ZNF729: variants seen among roughly 807,000 people sequenced by gnomAD.
The protein encoded by ZNF729 is zinc finger protein 729.
ZNF729 carries 15 observed loss-of-function variants against 12.2 expected under a neutral mutation model. That is an observed-to-expected ratio of 1.23 (90% CI 0.82 to 1.89). The LOEUF is 1.89. Ranked by LOEUF, ZNF729 falls within the 40% of genes most tolerant of loss-of-function variation. The pLI is 0.00. For synonymous variants in ZNF729, 492 were observed against 476.3 expected (o/e 1.03, Z -0.43); for missense variants, 1,540 against 1,456.7 (o/e 1.06, Z -0.93).
chr19:22,311,506 G>T (rs978230032), intron 3 of ZNF729, among the ~76,000 whole-genome samples: 9 of 152,078 alleles, frequency 5.9e-5, no homozygotes, highest in Admixed American at 3.3e-4. Context: ...GGTTTTGAAG[G>T]TTCCTTTTGG....
At chr19:22,294,152 G>A (rs1255743483) in intron 1 of ZNF729, among the ~76,000 whole-genome samples, 1 of 152,172 alleles carries the variant, frequency 6.6e-6, no homozygotes, top group Non-Finnish European at 1.5e-5. Flanking sequence ...TGTATATGAT[G>A]TAAGGAAGGG....
chr19:22,313,783 A>G lies in ZNF729; in HGVS notation c.366A>G (p.Leu122=), dbSNP rs1168035416. The change falls in exon 4 of 4, where the codon TTA becomes TTG. Residue 122 remains leucine, a synonymous_variant. Coordinates refer to ENST00000601693, the MANE Select transcript of ZNF729 (RefSeq NM_001242680.2). ...GATGTGGACATAAGAATTTACGATT[A>G]AGAAAAGATTGTAAAAGTGCCAATG... ...YARCGHKNLR[L]RKDCKSANEG... is the part of the protein sequence containing the mutation. 3 of 1,597,982 alleles carry G rather than the reference A, an allele frequency of 1.9e-6. No individual in the cohort carries two copies. Among genetic ancestry groups the G allele is most frequent in the Non-Finnish European group, 2.6e-6 (3 of 1,173,316 alleles).
rs769517577 is a variant in ZNF729 at position 22,315,115 on chromosome 19, T to C, written c.1698T>C (p.His566=). The part of the protein sequence containing the change: ...SSKLTVHKVI[H]TGEKPCKCEE... ...AACTTACTGTACATAAGGTAATTCA[T>C]ACTGGAGAGAAACCCTGCAAATGTG... The change falls in exon 4 of 4, where the codon CAT becomes CAC. Residue 566 remains histidine (H), a synonymous_variant. Coordinates refer to ENST00000601693, the MANE Select transcript of ZNF729 (RefSeq NM_001242680.2). The C allele has an allele frequency of 6.2e-7, 1 of 1,611,030 alleles. No homozygotes were observed. Among genetic ancestry groups the C allele is most frequent in the South Asian group, 1.1e-5 (1 of 91,046 alleles).
chr19:22,286,799 C>A lies in ZNF729; in HGVS notation c.30+244C>A, dbSNP rs565422156. On this transcript the variant is annotated intron_variant, in intron 1 of 3. Transcript: ENST00000601693. ...CCCTGGCCTGGAGCCCTCTCTGGGC[C>A]GCTCTGCACCCGCATGGCCGCGTCT... 2.9e-3 allele frequency among the ~76,000 whole-genome samples: 448 copies of A among 152,286 alleles called. 1 individual carries two copies. Among genetic ancestry groups the A allele is most frequent in the Non-Finnish European group, 5.6e-3 (378 of 68,030 alleles).
At chr19:22,310,347 T>C (rs1381739863) in intron 3 of ZNF729, among the ~76,000 whole-genome samples, 1 of 152,144 alleles carries the variant, frequency 6.6e-6, no homozygotes, top group Non-Finnish European at 1.5e-5. Flanking sequence ...TTGTCATAGA[T>C]GGCTTTTATT....
At position 22,316,110 on chromosome 19, in the gene ZNF729, A is replaced by C. The variant is rs547662772; in HGVS notation, c.2693A>C (p.His898Pro). ...AAGTGGTTGTCAAAACTTACTGTAC[A>C]TAAGGTAATTCATACTGCAGAGAAA... ...AFKWLSKLTVHKVIHTAEKPC... is the reference protein window; with the variant it reads ...AFKWLSKLTVPKVIHTAEKPC... Residue 898 changes from histidine to proline, a missense_variant, in exon 4 of 4, where the codon CAT (histidine) becomes CCT (proline). Transcript: ENST00000601693. The C allele has an allele frequency of 1.9e-6, 3 of 1,609,506 alleles. No individual in the cohort carries two copies. The East Asian group carries it at 6.7e-5, about 36-fold the overall frequency.
Position 22,315,152 on chromosome 19 carries a change from A to G in ZNF729, c.1735A>G (p.Lys579Glu). Residue 579 changes from lysine to glutamate, a missense_variant, in exon 4 of 4, where the codon AAA becomes GAA. Physicochemically the swap from Lys to Glu is moderately conservative, Grantham distance 56. Coordinates refer to ENST00000601693, the MANE Select transcript of ZNF729 (RefSeq NM_001242680.2). Reference sequence around the variant, plus strand: ...ACCCTGCAAATGTGAAGAATGTGGCAAAGCTTTTAAGCATTTCTCAGCCCT... The same window carrying G: ...ACCCTGCAAATGTGAAGAATGTGGCGAAGCTTTTAAGCATTTCTCAGCCCT... ...EKPCKCEECG[K>E]AFKHFSALRK... The G allele has an allele frequency of 6.2e-7, 1 of 1,611,696 alleles. No individual in the cohort carries two copies.
At position 22,315,089 on chromosome 19, in the gene ZNF729, A is replaced by G. The variant is rs756825793; in HGVS notation, c.1672A>G (p.Lys558Glu). Reference protein sequence around the residue: ...ECGKAFKWSSKLTVHKVIHTG... With the variant: ...ECGKAFKWSSELTVHKVIHTG... Reference sequence around the variant, plus strand: ...TGGTAAAGCTTTTAAGTGGTCATCAAAACTTACTGTACATAAGGTAATTCA... The same window carrying G: ...TGGTAAAGCTTTTAAGTGGTCATCAGAACTTACTGTACATAAGGTAATTCA... Residue 558 changes from lysine (K) to glutamate (E), a missense_variant, in exon 4 of 4, where the codon AAA (lysine) becomes GAA (glutamate). Coordinates refer to ENST00000601693, the MANE Select transcript of ZNF729 (RefSeq NM_001242680.2). 1.2e-6 allele frequency: 2 copies of G among 1,610,432 alleles called. No homozygotes were observed. Among genetic ancestry groups the G allele is most frequent in the Admixed American group, 1.7e-5 (1 of 59,914 alleles).
intron 1 of ZNF729, among the ~76,000 whole-genome samples, chr19:22,292,683 C>T (rs112925452): frequency 6.6e-6 from 1 of 152,076 alleles, no homozygotes; most frequent in Non-Finnish European, 1.5e-5. Flanking sequence ...TCAGGCAATT[C>T]ACCTGCCTCG....
chr19:22,303,474 AATGTAC>A (rs1968339760), intron 1 of ZNF729, among the ~76,000 whole-genome samples: 1 of 152,216 alleles, frequency 6.6e-6, no homozygotes, highest in African/African-American at 2.4e-5. Context: ...TAGCACAAAA[AATGTAC>A]ATGTTTGTTA....
intron 1 of ZNF729, among the ~76,000 whole-genome samples, chr19:22,289,291 T>TCTCTGCTCACTGCAAC (rs1249645226): frequency 2.0e-5 from 3 of 150,372 alleles, no homozygotes; most frequent in African/African-American, 7.4e-5. Flanking sequence ...AGTGGCGCAA[T>TCTCTGCTCACTGCAAC]CTCTGCTCAC....
rs147789322 is a variant in ZNF729 at position 22,316,580 on chromosome 19, A to T, written c.3163A>T (p.Lys1055Ter). ...ACCCTACAAATGTGAAGAATGTGGT[A>T]AAGCTTTTAAGTGGTCCTCAAAACT... is the stretch of plus-strand genomic sequence containing the variant. ...EKPYKCEECG[K>*]AFKWSSKLTE... Residue 1055 changes from lysine to a stop codon, truncating the protein, a stop_gained, in exon 4 of 4, where the codon AAA becomes TAA. Transcript: ENST00000601693. LOFTEE classifies it low-confidence loss of function (END_TRUNC). 1,037 of 1,613,548 alleles carry T rather than the reference A, an allele frequency of 6.4e-4. 6 individuals carry two copies. In the African/African-American group the frequency reaches 0.012, roughly 19 times the overall value.
chr19:22,302,313 G>A (rs1186097073), intron 1 of ZNF729, among the ~76,000 whole-genome samples: 1 of 152,310 alleles, frequency 6.6e-6, no homozygotes, highest in East Asian at 1.9e-4. Context: ...TTATAGTCTA[G>A]ACTAGCAACT....
chr19:22,310,026 G>T (rs1305305298), intron 3 of ZNF729, among the ~76,000 whole-genome samples: 1 of 151,912 alleles, frequency 6.6e-6, no homozygotes, highest in Non-Finnish European at 1.5e-5. Flanking sequence ...GTCGCTGTTG[G>T]TGTATAGAAG....
chr19:22,316,461 C>T lies in ZNF729; in HGVS notation c.3044C>T (p.Thr1015Ile), dbSNP rs747482485. 2 of 1,613,576 alleles carry T rather than the reference C, an allele frequency of 1.2e-6. No individual in the cohort carries two copies. Among genetic ancestry groups the T allele is most frequent in the South Asian group, 1.1e-5 (1 of 91,054 alleles). Residue 1015 changes from threonine to isoleucine, a missense_variant, in exon 4 of 4, where the codon ACT becomes ATT. By Grantham distance (89) the Thr-to-Ile change is moderately conservative. Coordinates refer to ENST00000601693, the MANE Select transcript of ZNF729 (RefSeq NM_001242680.2). ...CTTAAGAAACATAAGCTAATTCATA[C>T]TAGGGAGAAATTGTACAAATGTGAA... Reference protein sequence around the residue: ...STLKKHKLIHTREKLYKCEEC... With the variant: ...STLKKHKLIHIREKLYKCEEC...
chr19:22,311,860 AT>A, intron 3 of ZNF729, among the ~76,000 whole-genome samples: 1 of 152,206 alleles, frequency 6.6e-6, no homozygotes, highest in South Asian at 2.1e-4. Context: ...TGTTTTATAA[AT>A]TTGGGAGCTC....
Position 22,316,275 on chromosome 19 carries a change from A to T in ZNF729, c.2858A>T (p.Lys953Met), listed in dbSNP as rs754088296. 1 of 1,613,556 alleles carries T rather than the reference A, an allele frequency of 6.2e-7. No homozygotes were observed. The highest frequency in any genetic ancestry group is 8.5e-7 in the Non-Finnish European group (1 of 1,179,758). Residue 953 changes from lysine (K) to methionine (M), a missense_variant, in exon 4 of 4, where the codon AAG (lysine) becomes ATG (methionine). Transcript: ENST00000601693. ...KAFNDSSTLM[K>M]HKIIHTGKKP... ...TTTAATGATTCCTCAACCCTTATGA[A>T]GCATAAGATAATTCATACTGGGAAG...
chr19:22,315,763 C>T lies in ZNF729; in HGVS notation c.2346C>T (p.Ala782=), dbSNP rs767857245. ...TCAAAGCTTTTAACAGTTTCTCAGCCCTTATGAAACATAAGGTAATTCATA... is the reference window on the plus strand; with the variant it reads ...TCAAAGCTTTTAACAGTTTCTCAGCTCTTATGAAACATAAGGTAATTCATA... ...ECVKAFNSFS[A]LMKHKVIHTG... Residue 782 remains alanine (A), a synonymous_variant, in exon 4 of 4, where the codon GCC becomes GCT. Coordinates refer to ENST00000601693, the MANE Select transcript of ZNF729 (RefSeq NM_001242680.2). 29 of 1,608,416 alleles carry T rather than the reference C, an allele frequency of 1.8e-5. No individual in the cohort carries two copies. Among genetic ancestry groups the T allele is most frequent in the Non-Finnish European group, 2.1e-5 (25 of 1,179,138 alleles).
At chr19:22,304,330 T>C (rs111398872) in intron 2 of ZNF729, among the ~76,000 whole-genome samples, 3,806 of 152,256 alleles carry the variant, frequency 0.025, 156 homozygotes, top group African/African-American at 0.087. Context: ...TGAGCCACCG[T>C]GCCAGGCCAA....
Sources: gnomAD v4.1 joint callset for allele counts (sites outside exome capture counted in the v4.1 genomes callset) on GRCh38, gnomAD v4.1.1 for gene constraint, MANE v1.5 for transcripts, NCBI Gene and HGNC (gene_info 2026-07-23, HGNC 2026-07-21) for gene names.